The following CELF2 variants were observed in gnomAD, a reference collection of about 807,000 sequenced individuals.
The protein encoded by CELF2 is CUG triplet repeat RNA-binding protein 2.
Under a neutral mutation model 62.6 loss-of-function variants are expected in CELF2, and 8 were observed. The observed-to-expected ratio is 0.13, with a 90% CI of 0.07 to 0.23. The LOEUF is 0.23. CELF2 is among the 10% of genes least tolerant of loss of function. The pLI, the probability that CELF2 is intolerant of heterozygous loss-of-function variation, is 1.00. For synonymous variants in CELF2, 258 were observed against 250.0 expected, an observed-to-expected ratio of 1.03 and a Z score of -0.30; for missense variants, 333 against 671.0, an observed-to-expected ratio of 0.50 and a Z score of 5.56.
At chr10:10,666,742 G>A in the CELF2 span, among the ~76,000 whole-genome samples, 1 of 122,144 alleles carries the variant, frequency 8.2e-6, no homozygotes, top group Non-Finnish European at 1.7e-5. Context: ...GGCGCCTGTA[G>A]TCCCAGCTAC....
At chr10:11,261,095 G>A (rs181088765) in intron 5 of CELF2, among the ~76,000 whole-genome samples, 6 of 152,334 alleles carry the variant, frequency 3.9e-5, no homozygotes, top group East Asian at 3.8e-4. Context: ...ACCCTCTTCC[G>A]TGAGAAAGTT....
the CELF2 span, among the ~76,000 whole-genome samples, chr10:10,599,880 C>T: frequency 6.6e-5 from 10 of 151,946 alleles, no homozygotes; most frequent in East Asian, 5.8e-4. Flanking sequence ...TACAGGAGCC[C>T]GCCACCACAC....
chr10:11,012,120 A>G lies in CELF2; in HGVS notation c.53+6680A>G, dbSNP rs1169564968. Among the ~76,000 whole-genome samples, 1 of 152,132 alleles carries G rather than the reference A, an allele frequency of 6.6e-6. No individual in the cohort carries two copies. Among genetic ancestry groups the G allele is most frequent in the African/African-American group, 2.4e-5 (1 of 41,420 alleles). ...GATGAATCAGAAAATTAAATGACTC[A>G]TTCCCATTGTCAATCAACTCTTTGA... On this transcript the variant is annotated intron_variant, in intron 1 of 12. Transcript: ENST00000416382. This position sits in a 1 kb window ranked among gnomAD's most constrained non-coding sequence, Gnocchi z 5.5.
chr10:10,697,118 CAA>C, the CELF2 span, among the ~76,000 whole-genome samples: 45 of 142,578 alleles, frequency 3.2e-4, no homozygotes, highest in Middle Eastern at 3.7e-3. Context: ...TAGAAGGAGA[CAA>C]AAAAAAAAAA....
At chr10:10,676,170 A>G in the CELF2 span, among the ~76,000 whole-genome samples, 1 of 152,106 alleles carries the variant, frequency 6.6e-6, no homozygotes, top group East Asian at 1.9e-4. Flanking sequence ...GAACTGTGAA[A>G]TTTCCAAGTG....
the CELF2 span, among the ~76,000 whole-genome samples, chr10:10,724,677 A>AAT: frequency 1.3e-5 from 2 of 151,200 alleles, no homozygotes; most frequent in Non-Finnish European, 1.5e-5. Context: ...AAAAGAAAAA[A>AAT]GAAAAGTGCG....
At chr10:11,272,228 C>T (rs989626144) in intron 7 of CELF2, among the ~76,000 whole-genome samples, 2 of 152,196 alleles carry the variant, frequency 1.3e-5, no homozygotes, top group African/African-American at 2.4e-5. Flanking sequence ...ACCTTGTCCA[C>T]GAAGATACCA....
rs1594711093 is a variant in CELF2 at position 11,075,985 on chromosome 10, T to A, written c.74+57822T>A. Among the ~76,000 whole-genome samples, 2 of 152,090 alleles carry A rather than the reference T, an allele frequency of 1.3e-5. No individual in the cohort carries two copies. Among genetic ancestry groups the A allele is most frequent in the South Asian group, 4.1e-4 (2 of 4,820 alleles). On this transcript the variant is annotated intron_variant, in intron 1 of 12. Transcript: ENST00000633077. The surrounding 1 kb of genome is among the most constrained non-coding windows in gnomAD (Gnocchi z 5.4). Reference sequence around the variant, plus strand: ...TTGAAAAATGATATATCAGCATACTTTTTTAGTGTGAGAAAATACCAATTA... The same window carrying A: ...TTGAAAAATGATATATCAGCATACTATTTTAGTGTGAGAAAATACCAATTA...
chr10:10,910,819 A>G (rs771073253), intron 1 of CELF2, among the ~76,000 whole-genome samples: 2 of 152,106 alleles, frequency 1.3e-5, no homozygotes, highest in African/African-American at 2.4e-5. Context: ...CTGGGAGTAC[A>G]AGTTGGTAAG....
At chr10:11,103,074 T>C (rs1041019209) in intron 1 of CELF2, among the ~76,000 whole-genome samples, 2 of 152,148 alleles carry the variant, frequency 1.3e-5, no homozygotes, top group African/African-American at 4.8e-5. Flanking sequence ...ATGCATCAAC[T>C]TCTCAGCAAG....
the CELF2 span, among the ~76,000 whole-genome samples, chr10:10,719,155 T>G: frequency 1.3e-5 from 2 of 152,014 alleles, no homozygotes; most frequent in South Asian, 4.2e-4. Context: ...AGATGGGATT[T>G]CACCACGTTG....
the CELF2 span, among the ~76,000 whole-genome samples, chr10:10,753,299 C>CTGTGTGTGTGTGTGTGTG: frequency 8.0e-5 from 12 of 149,908 alleles, no homozygotes; most frequent in African/African-American, 2.7e-4. Context: ...TTCCAAAGCT[C>CTGTGTGTGTGTGTGTGTG]TGTGTGTGTG....
chr10:10,910,095 A>C (rs753865433), intron 1 of CELF2, among the ~76,000 whole-genome samples: 7 of 152,236 alleles, frequency 4.6e-5, no homozygotes, highest in African/African-American at 7.2e-5. Context: ...TCTAATTAAG[A>C]GGACTTATTA....
chr10:10,545,100 G>A, the CELF2 span, among the ~76,000 whole-genome samples: 6 of 152,112 alleles, frequency 3.9e-5, no homozygotes, highest in Admixed American at 2.0e-4. Flanking sequence ...GCAAGTCCTC[G>A]GCTCTTGTGG....
intron 1 of CELF2, among the ~76,000 whole-genome samples, chr10:10,904,382 A>C (rs1377335857): frequency 2.6e-5 from 4 of 151,940 alleles, no homozygotes; most frequent in Non-Finnish European, 4.4e-5. Context: ...ATGTGTCACC[A>C]TGCCTGATAA....
At chr10:10,889,413 C>T (rs563431116) in intron 1 of CELF2, among the ~76,000 whole-genome samples, 185 of 152,310 alleles carry the variant, frequency 1.2e-3, no homozygotes, top group African/African-American at 4.4e-3. Context: ...TTTATCACTG[C>T]ACCTAATACC....
At chr10:11,301,877 C>T (rs910331638) in intron 9 of CELF2, among the ~76,000 whole-genome samples, 1 of 152,016 alleles carries the variant, frequency 6.6e-6, no homozygotes, top group Non-Finnish European at 1.5e-5. Context: ...AGGTGGAGTG[C>T]GAGGCCCTTG....
chr10:11,025,583 G>C (rs78460843), intron 1 of CELF2, among the ~76,000 whole-genome samples: 8,978 of 152,206 alleles, frequency 0.059, 316 homozygotes, highest in Middle Eastern at 0.13. Context: ...TGTGAGTTGA[G>C]TAAAACTCTC....
intron 1 of CELF2, among the ~76,000 whole-genome samples, chr10:11,149,067 CAG>C (rs1165867301): frequency 6.6e-6 from 1 of 152,108 alleles, no homozygotes; most frequent in Non-Finnish European, 1.5e-5. Flanking sequence ...GCATTATTGA[CAG>C]GTGTTTTTTT....
Sources: gnomAD v4.1 joint callset for allele counts (sites outside exome capture counted in the v4.1 genomes callset) on GRCh38, gnomAD v4.1.1 for gene constraint, Gnocchi (gnomAD v3.1) non-coding constraint, MANE v1.5 for transcripts, NCBI Gene and HGNC (gene_info 2026-07-23, HGNC 2026-07-21) for gene names.